Variants in SIM2 observed in about 807,000 individuals in gnomAD.
SIM2 encodes single-minded homolog 2.
In SIM2, 28 loss-of-function variants were observed where a neutral mutation model predicts 64.8. That is an observed-to-expected ratio of 0.43 (90% CI 0.32 to 0.59). The LOEUF is 0.59. SIM2 is among the 20% of genes least tolerant of loss of function. The probability of loss-of-function intolerance (pLI) is 0.07; values close to 1 mark genes in which losing one functional copy is unlikely to be tolerated. For synonymous variants in SIM2, 408 were observed against 391.1 expected (o/e 1.04, Z -0.51); for missense variants, 847 against 871.4 (o/e 0.97, Z 0.35).
chr21:36,741,945 CTCTT>C (rs937986969), intron 8 of SIM2, 81 bp downstream of exon 8: 17 of 1,265,508 alleles, frequency 1.3e-5, no homozygotes, highest in African/African-American at 3.0e-5. Context: ...AGCACCATCT[CTCTT>C]TCTCTCTTTC....
In SIM2 at chr21:36,749,328, GGTTTA is replaced by G. The variant is rs1260300928; in HGVS notation, c.*1237_*1241del. On this transcript the variant is annotated 3_prime_UTR_variant, in exon 11 of 11. Transcript: ENST00000290399. The stretch of plus-strand genomic sequence containing the variant: ...CAGCATTTTGCTGCTTTATCAAAAT[GGTTTA>G]TTTTAGGAAACTTTTTCCACCTTTC... 2 of 152,392 alleles carry G rather than the reference GGTTTA, an allele frequency of 1.3e-5. No individual in the cohort carries two copies. The highest frequency in any genetic ancestry group is 2.9e-5 in the Non-Finnish European group (2 of 68,030). 9.4% of individuals were successfully genotyped at this position (152,392 alleles called of 1,614,324 possible). A position where few individuals can be genotyped will look rare whatever the true frequency, so the allele number is the denominator to read the frequency against.
intron 7 of SIM2, among the ~76,000 whole-genome samples, chr21:36,734,416 T>G (rs1055176455): frequency 1.3e-5 from 2 of 152,190 alleles, no homozygotes; most frequent in African/African-American, 2.4e-5. Flanking sequence ...GAGCCAGAAT[T>G]GGTAATTCAA....
At chr21:36,734,624 C>A (rs2089018497) in intron 7 of SIM2, among the ~76,000 whole-genome samples, 1 of 152,162 alleles carries the variant, frequency 6.6e-6, no homozygotes, top group Non-Finnish European at 1.5e-5. Flanking sequence ...AGGATAGTCT[C>A]AGATGATGGG....
intron 1 of SIM2, among the ~76,000 whole-genome samples, chr21:36,707,520 G>A (rs997642742): frequency 2.6e-5 from 4 of 152,136 alleles, no homozygotes; most frequent in Non-Finnish European, 4.4e-5. Flanking sequence ...GCCAGGATAA[G>A]CCCCTAATTC....
At position 36,719,876 on chromosome 21, in the gene SIM2, A is replaced by G. The variant is rs1370048859; in HGVS notation, c.404A>G (p.Glu135Gly). ...TACATCCATCCTTCTGACCACGATG[A>G]GATGACCGCTGTCCTCACGGCCCAC... ...YEYIHPSDHD[E>G]MTAVLTAHQP... is the part of the protein sequence containing the mutation. The change falls in exon 4 of 11, where the codon GAG (glutamate) becomes GGG (glycine). Residue 135 changes from glutamate to glycine, a missense_variant. By Grantham distance (98) the Glu-to-Gly change is moderately conservative. Coordinates refer to ENST00000290399, the MANE Select transcript of SIM2 (RefSeq NM_005069.6). The G allele has an allele frequency of 5.0e-6, 8 of 1,613,422 alleles. No homozygotes were observed. The highest frequency in any genetic ancestry group is 5.9e-6 in the Non-Finnish European group (7 of 1,179,580).
At chr21:36,702,185 G>A (rs2088509832) in intron 1 of SIM2, among the ~76,000 whole-genome samples, 2 of 152,212 alleles carry the variant, frequency 1.3e-5, no homozygotes, top group African/African-American at 4.8e-5. Flanking sequence ...CCCCGAGTTT[G>A]GGCGGGGGTG....
chr21:36,728,463 G>A (rs2088922409), intron 6 of SIM2, among the ~76,000 whole-genome samples: 1 of 152,254 alleles, frequency 6.6e-6, no homozygotes, highest in African/African-American at 2.4e-5. Context: ...CAGCGCCAGA[G>A]GGGGCTCCCG....
chr21:36,705,818 T>C (rs2088572663), intron 1 of SIM2, among the ~76,000 whole-genome samples: 1 of 152,220 alleles, frequency 6.6e-6, no homozygotes, highest in African/African-American at 2.4e-5. Context: ...ACAAGAACCC[T>C]GTGAGGAGAC....
At position 36,699,992 on chromosome 21, in the gene SIM2, C is replaced by T; in HGVS notation, c.175+71C>T. The T allele has an allele frequency of 1.4e-6, 2 of 1,462,610 alleles. No individual in the cohort carries two copies. The highest frequency in any genetic ancestry group is 1.8e-6 in the Non-Finnish European group (2 of 1,093,450). The allele number at this position is 1,462,610 out of a possible 1,614,324, so 90.6% of individuals were successfully genotyped here. A position where few individuals can be genotyped will look rare whatever the true frequency, so the allele number is the denominator to read the frequency against. ...CCCCGGCCCAGGCGGGAAGCGCAAG[C>T]CAGCCCGCCCAGAGGGGTTGCCGCG... is the stretch of plus-strand genomic sequence containing the variant. On this transcript the variant is annotated intron_variant, in intron 1 of 10. Coordinates refer to ENST00000290399, the MANE Select transcript of SIM2 (RefSeq NM_005069.6). The surrounding 1 kb of genome is among the most constrained non-coding windows in gnomAD (Gnocchi z 5.6).
Position 36,731,793 on chromosome 21 carries a change from C to T in SIM2, c.850+642C>T, listed in dbSNP as rs1021917481. Among the ~76,000 whole-genome samples the T allele has an allele frequency of 3.3e-5, 5 of 151,980 alleles. No homozygotes were observed. The South Asian group carries it at 6.2e-4, about 19-fold the overall frequency. On this transcript the variant is annotated intron_variant, in intron 7 of 10. Transcript: ENST00000290399. ...CACCAATTTGATTTGCCAACGGAGG[C>T]GGTTTGGGAACATCAGGATATAGAG...
intron 5 of SIM2, among the ~76,000 whole-genome samples, chr21:36,723,477 G>A (rs1479166018): frequency 6.6e-6 from 1 of 152,212 alleles, no homozygotes; most frequent in Non-Finnish European, 1.5e-5. Flanking sequence ...GCTGGCAGTG[G>A]TATCCAGAGC....
At chr21:36,743,315 G>C in intron 8 of SIM2, 72 bp from the exon 9 acceptor site, 1 of 1,404,642 alleles carries the variant, frequency 7.1e-7, no homozygotes, top group South Asian at 1.3e-5. Flanking sequence ...CCCTGCCCAA[G>C]GGCTGGGGCC....
At chr21:36,702,728 T>C (rs1238050928) in intron 1 of SIM2, among the ~76,000 whole-genome samples, 1 of 152,078 alleles carries the variant, frequency 6.6e-6, no homozygotes, top group African/African-American at 2.4e-5. Context: ...GAATAGGATC[T>C]GTCTGAGCTG....
In SIM2 at chr21:36,699,596, C is replaced by T. The variant is rs1464627974; in HGVS notation, c.-151C>T. 2.8e-5 allele frequency: 21 copies of T among 747,218 alleles called. No homozygotes were observed. Among genetic ancestry groups the T allele is most frequent in the Non-Finnish European group, 4.0e-6 (2 of 501,862 alleles). 46.3% of individuals were successfully genotyped at this position (747,218 alleles called of 1,614,324 possible). On this transcript the variant is annotated 5_prime_UTR_variant, in exon 1 of 11. Transcript: ENST00000290399. The surrounding 1 kb of genome is among the most constrained non-coding windows in gnomAD (Gnocchi z 5.6). ...GCGGCTGCGGGGAGGCGTCTCGGAA[C>T]CCCGGGAGGCCCCCCGCACCTGCCC...
chr21:36,744,990 G>C lies in SIM2; in HGVS notation c.1430G>C (p.Arg477Pro), dbSNP rs759483083. ...QPQGSPCEVA[R>P]FFLSTLPASG... Reference sequence around the variant, plus strand: ...CAAGGATCCCCTTGTGAGGTGGCACGCTTTTTCCTGAGCACACTGCCAGCC... The same window carrying C: ...CAAGGATCCCCTTGTGAGGTGGCACCCTTTTTCCTGAGCACACTGCCAGCC... Residue 477 changes from arginine to proline, a missense_variant, in exon 10 of 11, where the codon CGC becomes CCC. Coordinates refer to ENST00000290399, the MANE Select transcript of SIM2 (RefSeq NM_005069.6). The C allele has an allele frequency of 2.5e-6, 4 of 1,614,244 alleles. No homozygotes were observed. The East Asian group carries it at 8.9e-5, about 36-fold the overall frequency.
intron 7 of SIM2, among the ~76,000 whole-genome samples, chr21:36,736,731 T>TCCTTCCCTTC (rs113175049): frequency 6.2e-5 from 9 of 144,276 alleles, no homozygotes; most frequent in African/African-American, 1.1e-4. Flanking sequence ...CTTCCTTCCC[T>TCCTTCCCTTC]CCTTCCCTTC....
At chr21:36,743,341 C>T in intron 8 of SIM2, 46 bp from the exon 9 acceptor site, 1 of 1,551,722 alleles carries the variant, frequency 6.4e-7, no homozygotes, top group Non-Finnish European at 8.7e-7. Flanking sequence ...AGCTGCTCGG[C>T]CTCCAGCGCC....
At chr21:36,709,591 G>A (rs1271485623) in intron 2 of SIM2, 1 of 434,852 alleles carries the variant, frequency 2.3e-6, no homozygotes, top group Non-Finnish European at 4.4e-6. Context: ...CGCTTGCTCT[G>A]TGCCAGGCGC....
intron 7 of SIM2, 45 bp downstream of exon 7, chr21:36,731,196 G>A: frequency 6.9e-7 from 1 of 1,459,738 alleles, no homozygotes; most frequent in Non-Finnish European, 9.6e-7. Flanking sequence ...GCTGGTCAGG[G>A]AGGAGGCGCT....
Sources: gnomAD v4.1 joint callset for allele counts (sites outside exome capture counted in the v4.1 genomes callset) on GRCh38, gnomAD v4.1.1 for gene constraint, Gnocchi (gnomAD v3.1) non-coding constraint, MANE v1.5 for transcripts, NCBI Gene and HGNC (gene_info 2026-07-23, HGNC 2026-07-21) for gene names.